Variants in UBXN2B observed in about 807,000 individuals in gnomAD.
UBXN2B encodes the protein UBX domain-containing protein 2B.
In UBXN2B, 19 loss-of-function variants were observed where a neutral mutation model predicts 37.5. The ratio of observed to expected loss-of-function variants is 0.51; its 90% CI spans 0.35 to 0.74. The LOEUF (loss-of-function observed/expected upper bound fraction) is 0.74, where lower values mean the gene tolerates loss of function less well. UBXN2B is among the 30% of genes least tolerant of loss of function. The probability of loss-of-function intolerance (pLI) is 0.01; values close to 1 mark genes in which losing one functional copy is unlikely to be tolerated. For missense variants in UBXN2B, 370 were observed against 393.2 expected, an observed-to-expected ratio of 0.94 and a Z score of 0.50; for synonymous variants, 145 against 143.8, an observed-to-expected ratio of 1.01 and a Z score of -0.06.
intron 5 of UBXN2B, 43 bp downstream of exon 5, chr8:58,434,547 A>C: frequency 1.4e-6 from 2 of 1,382,114 alleles, no homozygotes; most frequent in Non-Finnish European, 2.0e-6. Flanking sequence ...GTAGAGTGGG[A>C]CTTATTTTCT....
chr8:58,417,208 A>G (rs887401751), intron 2 of UBXN2B, among the ~76,000 whole-genome samples: 10 of 152,216 alleles, frequency 6.6e-5, no homozygotes, highest in Non-Finnish European at 2.9e-5. Flanking sequence ...ATTTTGGTAG[A>G]TATCATATGA....
intron 2 of UBXN2B, among the ~76,000 whole-genome samples, chr8:58,417,192 C>T (rs1364893267): frequency 6.6e-6 from 1 of 152,086 alleles, no homozygotes; most frequent in Non-Finnish European, 1.5e-5. Flanking sequence ...CCTTAAAATA[C>T]CTAATATTTT....
intron 2 of UBXN2B, among the ~76,000 whole-genome samples, chr8:58,421,882 T>TCTAAATGAA (rs1445358267): frequency 6.6e-6 from 1 of 152,190 alleles, no homozygotes. Flanking sequence ...ATGAAATCAA[T>TCTAAATGAA]ATAACAAACA....
chr8:58,413,144 G>A (rs1423346757), intron 1 of UBXN2B, among the ~76,000 whole-genome samples: 7 of 152,118 alleles, frequency 4.6e-5, no homozygotes, highest in Non-Finnish European at 7.4e-5. Context: ...TTGTGAGAAT[G>A]CCTTCATTTC....
rs1055560220 is a variant in UBXN2B at position 58,439,489 on chromosome 8, A to G, written c.534-144A>G. 29 of 918,162 alleles carry G rather than the reference A, an allele frequency of 3.2e-5. 1 individual carries two copies. In the Middle Eastern group the frequency reaches 1.1e-3, roughly 34 times the overall value. 56.9% of individuals were successfully genotyped at this position (918,162 alleles called of 1,614,324 possible). A position where few individuals can be genotyped will look rare whatever the true frequency, so the allele number is the denominator to read the frequency against. ...TAAAAAAGATCTACAAGGACTGATCAGTCATTATGGAAATTTTTGTGTTAT... is the reference window on the plus strand; with the variant it reads ...TAAAAAAGATCTACAAGGACTGATCGGTCATTATGGAAATTTTTGTGTTAT... On this transcript the variant is annotated intron_variant, in intron 5 of 7. Transcript: ENST00000399598.
At chr8:58,433,337 A>G in intron 4 of UBXN2B, 94 bp downstream of exon 4, 1 of 1,062,100 alleles carries the variant, frequency 9.4e-7, no homozygotes, top group Non-Finnish European at 1.4e-6. Context: ...ATACAAATAT[A>G]TTTTTGTTAC....
At chr8:58,443,636 TCCAAAAA>T (rs1167435173) in intron 6 of UBXN2B, among the ~76,000 whole-genome samples, 9 of 55,238 alleles carry the variant, frequency 1.6e-4, no homozygotes, top group Admixed American at 3.9e-4. Flanking sequence ...CTACTAAAAA[TCCAAAAA>T]AAAAAAAAAA....
chr8:58,441,348 C>CTATATATATATATATATATATATATATAT (rs1242681481), intron 6 of UBXN2B, among the ~76,000 whole-genome samples: 1 of 104,660 alleles, frequency 9.6e-6, no homozygotes, highest in African/African-American at 4.0e-5. Flanking sequence ...TTGTGATCAA[C>CTATATATATATATATATATATATATATAT]ATATATATAT....
chr8:58,437,304 G>C (rs1421567950), intron 5 of UBXN2B, among the ~76,000 whole-genome samples: 2 of 150,084 alleles, frequency 1.3e-5, no homozygotes, highest in African/African-American at 4.9e-5. Flanking sequence ...TAGGGTACCT[G>C]GTGGAAGAAA....
chr8:58,440,560 T>A (rs1384970042), intron 6 of UBXN2B, among the ~76,000 whole-genome samples: 1 of 152,188 alleles, frequency 6.6e-6, no homozygotes, highest in Non-Finnish European at 1.5e-5. Flanking sequence ...ACCCATGGCT[T>A]AATGTAATCT....
Position 58,447,456 on chromosome 8 carries a change from G to T in UBXN2B, c.901G>T (p.Val301Leu). Residue 301 changes from valine to leucine, a missense_variant, in exon 8 of 8, where the codon GTG becomes TTG. Physicochemically the swap from Val to Leu is conservative, Grantham distance 32. Coordinates refer to ENST00000399598, the MANE Select transcript of UBXN2B (RefSeq NM_001077619.2). ...ATTTGCGGCTCTTGACTTTATTCTT[G>T]TGACTTCATTTCCGAATAAAGAGCT... ...PEFAALDFIL[V>L]TSFPNKELTD... The T allele has an allele frequency of 3.1e-6, 5 of 1,613,106 alleles. No individual in the cohort carries two copies. Among genetic ancestry groups the T allele is most frequent in the Non-Finnish European group, 4.2e-6 (5 of 1,179,482 alleles).
intron 5 of UBXN2B, 61 bp downstream of exon 5, chr8:58,434,565 C>A: frequency 8.2e-7 from 1 of 1,220,208 alleles, no homozygotes; most frequent in Non-Finnish European, 1.1e-6. Flanking sequence ...TCTTAACAGA[C>A]TACTCATTAT....
chr8:58,447,160 A>AT (rs1049272028), intron 7 of UBXN2B, among the ~76,000 whole-genome samples: 2 of 152,092 alleles, frequency 1.3e-5, no homozygotes, highest in Non-Finnish European at 2.9e-5. Flanking sequence ...TTACCTGAAG[A>AT]TTGTTTCCAT....
chr8:58,430,624 C>T lies in UBXN2B; in HGVS notation c.294C>T (p.Val98=), dbSNP rs1456586878. The change falls in exon 3 of 8, where the codon GTC becomes GTT. Residue 98 remains valine (V), a synonymous_variant. Transcript: ENST00000399598. ...LFKEAREHGA[V]PLNEATRASG... ...AAGAGGCAAGGGAACATGGGGCTGT[C>T]CCTCTGAATGAAGCCACAAGAGCTT... 9 of 1,596,292 alleles carry T rather than the reference C, an allele frequency of 5.6e-6. No homozygotes were observed. In the African/African-American group the frequency reaches 9.4e-5, roughly 17 times the overall value.
intron 2 of UBXN2B, among the ~76,000 whole-genome samples, chr8:58,428,543 A>T (rs1189711907): frequency 6.6e-6 from 1 of 152,146 alleles, no homozygotes; most frequent in Admixed American, 6.5e-5. Flanking sequence ...CTCTGTGCTT[A>T]TCTAAGTCCT....
At chr8:58,423,222 T>C (rs1467760946) in intron 2 of UBXN2B, among the ~76,000 whole-genome samples, 2 of 152,092 alleles carry the variant, frequency 1.3e-5, no homozygotes, top group Admixed American at 6.5e-5. Context: ...CTGAGCTTCA[T>C]GTCAGAGGTC....
chr8:58,421,342 G>A (rs1042845569), intron 2 of UBXN2B, among the ~76,000 whole-genome samples: 3 of 140,904 alleles, frequency 2.1e-5, no homozygotes, highest in African/African-American at 7.8e-5. Flanking sequence ...GCACCTTTTA[G>A]TTTTTTTTTT....
intron 5 of UBXN2B, chr8:58,434,863 C>T (rs1170740062): frequency 6.5e-7 from 1 of 1,535,584 alleles, no homozygotes; most frequent in African/African-American, 1.4e-5. Flanking sequence ...GACAGGGTGA[C>T]TCTCATTGCA....
At chr8:58,445,824 G>T in intron 6 of UBXN2B, 83 bp from the exon 7 acceptor site, 1 of 1,231,082 alleles carries the variant, frequency 8.1e-7, no homozygotes. Context: ...CTCAAATGAA[G>T]CCATGTTCTA....
Sources: allele counts gnomAD v4.1 joint callset (sites outside exome capture counted in the v4.1 genomes callset), GRCh38; gene constraint gnomAD v4.1.1; transcripts MANE v1.5; gene names NCBI Gene and HGNC (gene_info 2026-07-23, HGNC 2026-07-21).